Variants in TPM3 observed in about 807,000 individuals in gnomAD.
The protein encoded by TPM3 is tropomyosin alpha-3 chain.
A neutral mutation model predicts 43.1 loss-of-function variants in TPM3; 16 were observed. The ratio of observed to expected loss-of-function variants is 0.37; its 90% CI spans 0.25 to 0.56. The LOEUF (loss-of-function observed/expected upper bound fraction) is 0.56, where lower values mean the gene tolerates loss of function less well. TPM3 is among the 20% of genes least tolerant of loss of function. The pLI is 0.77. For missense variants in TPM3, 176 were observed against 337.2 expected, an observed-to-expected ratio of 0.52 and a Z score of 3.74; for synonymous variants, 101 against 116.9, an observed-to-expected ratio of 0.86 and a Z score of 0.88.
chr1:154,163,319 T>TTACCAA lies in TPM3; in HGVS notation c.*4617_*4618insTTGGTA. Among the ~76,000 whole-genome samples, 1 of 152,204 alleles carries TTACCAA rather than the reference T, an allele frequency of 6.6e-6. No homozygotes were observed. The highest frequency in any genetic ancestry group is 1.5e-5 in the Non-Finnish European group (1 of 68,036). On this transcript the variant is annotated 3_prime_UTR_variant, in exon 10 of 10. Transcript: ENST00000651641. ...TGACTGCCACATGTGGCTAATGTAC[T>TTACCAA]AGACATCATTACCAAAAGTTCTGTT...
At chr1:154,159,747 T>C (rs1174437296), downstream of TPM3, among the ~76,000 whole-genome samples, 1 of 152,178 alleles carries the variant, frequency 6.6e-6, no homozygotes, top group African/African-American at 2.4e-5. Flanking sequence ...GGTGATCATA[T>C]GATCCAGTTT....
chr1:154,182,919 G>A (rs1337719531), intron 2 of TPM3: 3 of 1,605,178 alleles, frequency 1.9e-6, no homozygotes, highest in African/African-American at 1.3e-5. Flanking sequence ...CACGGCAAAA[G>A]GGACCTTATT....
chr1:154,167,676 C>A lies in TPM3; in HGVS notation c.*261G>T. ...AGCCTACAATAGCTCTTCCCCACAT[C>A]ACACCCCCAAGGCTCCTTCTTAGGG... is the stretch of plus-strand genomic sequence containing the variant. On this transcript the variant is annotated 3_prime_UTR_variant, in exon 10 of 10. Coordinates refer to ENST00000651641, the MANE Select transcript of TPM3 (RefSeq NM_152263.4). 5.2e-6 allele frequency: 7 copies of A among 1,346,766 alleles called. No individual in the cohort carries two copies. The highest frequency in any genetic ancestry group is 6.7e-6 in the Non-Finnish European group (7 of 1,041,572). The allele number at this position is 1,346,766 out of a possible 1,614,324, so 83.4% of individuals were successfully genotyped here. A position where few individuals can be genotyped will look rare whatever the true frequency, so the allele number is the denominator to read the frequency against.
In TPM3 at chr1:154,165,218, C is replaced by T. The variant is rs11265201; in HGVS notation, c.*2719G>A. 0.14 allele frequency among the ~76,000 whole-genome samples: 21,308 copies of T among 151,354 alleles called. 2,698 individuals are homozygous for T. The highest frequency in any genetic ancestry group is 0.34 in the African/African-American group (13,973 of 41,226). On this transcript the variant is annotated 3_prime_UTR_variant, in exon 10 of 10. Transcript: ENST00000651641. ...CCAACATGCTGAAACCCCGTCCGTA[C>T]TAAAAATACAAAAATCAGCTGGGCA...
At position 154,192,048 on chromosome 1, in the gene TPM3, G is replaced by T; in HGVS notation, c.-30C>A. ...AGTGGCTGTTGGTAGGCTCACCTGT[G>T]AACACTGGAGAACTGGAGACTGGGG... On this transcript the variant is annotated 5_prime_UTR_variant, in exon 1 of 10. Coordinates refer to ENST00000651641, the MANE Select transcript of TPM3 (RefSeq NM_152263.4). The T allele has an allele frequency of 6.3e-7, 1 of 1,579,200 alleles. No individual in the cohort carries two copies. The highest frequency in any genetic ancestry group is 1.1e-5 in the South Asian group (1 of 90,384).
chr1:154,167,920 A>G lies in TPM3; in HGVS notation c.*17T>C, dbSNP rs1661157199. On this transcript the variant is annotated 3_prime_UTR_variant, in exon 10 of 10. Transcript: ENST00000651641. ...AGTAAAGGGGGCAGATCCAGAACAGAGCAGAAACGGTGATAATTATCTGTA... is the reference window on the plus strand; with the variant it reads ...AGTAAAGGGGGCAGATCCAGAACAGGGCAGAAACGGTGATAATTATCTGTA... 6.2e-7 allele frequency: 1 copy of G among 1,614,008 alleles called. No individual in the cohort carries two copies. Among genetic ancestry groups the G allele is most frequent in the South Asian group, 1.1e-5 (1 of 91,092 alleles).
chr1:154,157,613 C>T (rs376741887), downstream of TPM3: 4 of 774,158 alleles, frequency 5.2e-6, no homozygotes, highest in Non-Finnish European at 7.2e-6. Context: ...GAGGGAGGAG[C>T]AGCAGCAGGG....
chr1:154,184,725 CAGTAT>C (rs1354768776), intron 2 of TPM3, among the ~76,000 whole-genome samples: 2 of 151,818 alleles, frequency 1.3e-5, no homozygotes, highest in Admixed American at 1.3e-4. Context: ...CCAGCCTGGG[CAGTAT>C]AGTGAGACCT....
chr1:154,183,552 C>T (rs953446046), intron 2 of TPM3: 1 of 347,508 alleles, frequency 2.9e-6, no homozygotes, highest in Non-Finnish European at 5.7e-6. Flanking sequence ...TACCCGTCAC[C>T]CCTCACTGTA....
chr1:154,173,220 A>T lies in TPM3; in HGVS notation c.378-19T>A, dbSNP rs764210984. 1.1e-5 allele frequency: 17 copies of T among 1,603,698 alleles called. No individual in the cohort carries two copies. Among genetic ancestry groups the T allele is most frequent in the Non-Finnish European group, 1.5e-5 (17 of 1,171,436 alleles). ...CATACCTCTGCCAGAAATAGGACAA[A>T]AGCAATACTGACACCCTGAGGAGTG... is the stretch of plus-strand genomic sequence containing the variant. On this transcript the variant is annotated intron_variant, in intron 3 of 9. Coordinates refer to ENST00000651641, the MANE Select transcript of TPM3 (RefSeq NM_152263.4).
At chr1:154,190,943 TAGG>T (rs1235481923) in intron 2 of TPM3, among the ~76,000 whole-genome samples, 1 of 152,292 alleles carries the variant, frequency 6.6e-6, no homozygotes, top group East Asian at 1.9e-4. Flanking sequence ...GGGTTGGTGA[TAGG>T]AGATAAATGA....
intron 2 of TPM3, among the ~76,000 whole-genome samples, chr1:154,182,386 T>G (rs1178316684): frequency 1.3e-5 from 2 of 152,208 alleles, no homozygotes; most frequent in African/African-American, 4.8e-5. Flanking sequence ...GAGGCGGTCC[T>G]GTGGCCTCGA....
downstream of TPM3, chr1:154,157,170 C>G (rs1418196603): frequency 3.5e-6 from 1 of 287,300 alleles, no homozygotes; most frequent in African/African-American, 2.2e-5. Flanking sequence ...TCCCTGGGCT[C>G]TGTTTGGCTC....
chr1:154,183,325 G>C, intron 2 of TPM3: 9 of 1,464,506 alleles, frequency 6.1e-6, no homozygotes, highest in Non-Finnish European at 8.1e-6. Flanking sequence ...GGCAGGGAGT[G>C]GATCCTCCCA....
At chr1:154,170,331 G>C in intron 8 of TPM3, 69 bp downstream of exon 8, 1 of 1,542,766 alleles carries the variant, frequency 6.5e-7, no homozygotes, top group Non-Finnish European at 9.0e-7. Context: ...TACAGAAAAA[G>C]AGATTAATGG....
rs542542371 is a variant in TPM3 at position 154,170,461 on chromosome 1, G to T, written c.714C>A (p.Thr238=). The part of the protein sequence containing the change: ...ILTDKLKEAE[T]RAEFAERSVA... Reference sequence around the variant, plus strand: ...CCGATCTCTCAGCAAACTCAGCACGGGTCTCTGCCTGGGGGAAATATGAAA... The same window carrying T: ...CCGATCTCTCAGCAAACTCAGCACGTGTCTCTGCCTGGGGGAAATATGAAA... Residue 238 remains threonine (T), a synonymous_variant, in exon 8 of 10, where the codon ACC becomes ACA. Coordinates refer to ENST00000651641, the MANE Select transcript of TPM3 (RefSeq NM_152263.4). The T allele has an allele frequency of 6.2e-7, 1 of 1,614,144 alleles. No homozygotes were observed. The highest frequency in any genetic ancestry group is 8.5e-7 in the Non-Finnish European group (1 of 1,180,040).
At chr1:154,155,344 T>C (rs16835852), downstream of TPM3, 58,385 of 420,178 alleles carry the variant, frequency 0.14, 5,308 homozygotes, top group East Asian at 0.39. Flanking sequence ...CAGTTTTAAT[T>C]TCTTCTGTTG....
chr1:154,177,249 C>T (rs1242278077), intron 2 of TPM3, among the ~76,000 whole-genome samples: 3 of 152,114 alleles, frequency 2.0e-5, no homozygotes, highest in African/African-American at 7.2e-5. Flanking sequence ...GCTTTGATAG[C>T]TTTACAAAAA....
intron 2 of TPM3, among the ~76,000 whole-genome samples, chr1:154,187,814 G>C (rs1033119198): frequency 2.0e-5 from 3 of 151,458 alleles, no homozygotes; most frequent in Non-Finnish European, 4.4e-5. Flanking sequence ...GACCCAGATT[G>C]ATGTTACCCA....
Sources: allele counts gnomAD v4.1 joint callset (sites outside exome capture counted in the v4.1 genomes callset), GRCh38; gene constraint gnomAD v4.1.1; transcripts MANE v1.5; gene names NCBI Gene and HGNC (gene_info 2026-07-23, HGNC 2026-07-21).